Variants in PLAAT1 observed in about 807,000 individuals in gnomAD.
PLAAT1 encodes phospholipase A and acyltransferase 1, also known as H-REV107 protein-related protein.
A neutral mutation model predicts 16.4 loss-of-function variants in PLAAT1; 13 were observed. The observed-to-expected ratio is 0.79, with a 90% confidence interval of 0.52 to 1.26. The LOEUF (loss-of-function observed/expected upper bound fraction) is 1.26, where lower values mean the gene tolerates loss of function less well. PLAAT1 is among the 50% of genes most tolerant of loss of function. The probability of loss-of-function intolerance (pLI) is 0.00; values close to 1 mark genes in which losing one functional copy is unlikely to be tolerated. For missense variants in PLAAT1, 218 were observed against 207.8 expected (o/e 1.05, Z -0.30); for synonymous variants, 73 against 78.4 (o/e 0.93, Z 0.36).
At chr3:193,258,463 CAAAG>C (rs1401750311) in intron 2 of PLAAT1, among the ~76,000 whole-genome samples, 2 of 117,520 alleles carry the variant, frequency 1.7e-5, no homozygotes, top group Non-Finnish European at 3.4e-5. Flanking sequence ...ATTAACAAAA[CAAAG>C]AATTTGTTTT....
chr3:193,258,541 G>A (rs977498144), intron 2 of PLAAT1, among the ~76,000 whole-genome samples: 1 of 151,966 alleles, frequency 6.6e-6, no homozygotes, highest in African/African-American at 2.4e-5. Context: ...ATCCAAAGAA[G>A]TACAATCGGA....
chr3:193,266,078 T>C (rs1716767206), intron 3 of PLAAT1, among the ~76,000 whole-genome samples: 1 of 152,240 alleles, frequency 6.6e-6, no homozygotes, highest in Non-Finnish European at 1.5e-5. Flanking sequence ...TTGCCTACTT[T>C]AAAATTTGCT....
At chr3:193,248,497 T>G (rs1716065455) in intron 1 of PLAAT1, among the ~76,000 whole-genome samples, 1 of 152,174 alleles carries the variant, frequency 6.6e-6, no homozygotes, top group East Asian at 1.9e-4. Context: ...TCTGTTTTCC[T>G]CTCTTGCTTG....
chr3:193,261,476 C>T (rs1045410503), intron 2 of PLAAT1, among the ~76,000 whole-genome samples: 3 of 152,036 alleles, frequency 2.0e-5, no homozygotes, highest in Admixed American at 6.5e-5. Flanking sequence ...TTGGGAACTT[C>T]TGAGACTTTT....
chr3:193,281,229 A>G, downstream of PLAAT1: 2 of 985,224 alleles, frequency 2.0e-6, no homozygotes. Flanking sequence ...TGGGAAGAAG[A>G]GGACGCCTGA....
chr3:193,249,107 G>GT lies in PLAAT1; in HGVS notation c.1-6536dup, dbSNP rs558166792. Among the ~76,000 whole-genome samples, 171 of 151,810 alleles carry GT rather than the reference G, an allele frequency of 1.1e-3. 1 individual carries two copies. The highest frequency in any genetic ancestry group is 2.0e-3 in the Non-Finnish European group (138 of 67,894). On this transcript the variant is annotated intron_variant, in intron 1 of 3. Coordinates refer to ENST00000264735, the MANE Select transcript of PLAAT1 (RefSeq NM_020386.5). The stretch of plus-strand genomic sequence containing the variant: ...GAGTGTAGTATTCTTGGTTGGCAGG[G>GT]TTTTTTTTCTTTTAGCTCTTTGACC...
At chr3:193,281,111 A>G, downstream of PLAAT1, 4 of 843,908 alleles carry the variant, frequency 4.7e-6, no homozygotes, top group Non-Finnish European at 5.7e-6. Flanking sequence ...TAGGAATTGC[A>G]TCTCTCAGGA....
chr3:193,242,438 A>T (rs1356722863), intron 1 of PLAAT1, among the ~76,000 whole-genome samples: 2 of 152,120 alleles, frequency 1.3e-5, no homozygotes, highest in African/African-American at 4.8e-5. Flanking sequence ...GGATTTTTTA[A>T]GATTGAGTCA....
chr3:193,250,868 G>T (rs1716167267), intron 1 of PLAAT1, among the ~76,000 whole-genome samples: 1 of 150,564 alleles, frequency 6.6e-6, no homozygotes, highest in Admixed American at 6.7e-5. Flanking sequence ...TCCAATTGGA[G>T]ATTAAAGGAG....
At chr3:193,241,163 C>G (rs1715716531), upstream of PLAAT1, 2 of 1,188,792 alleles carry the variant, frequency 1.7e-6, no homozygotes, top group East Asian at 3.3e-5. Context: ...CGGGGCCAAG[C>G]GAGGTCTAGC....
chr3:193,271,841 C>T (rs1228924241), downstream of PLAAT1, among the ~76,000 whole-genome samples: 1 of 152,138 alleles, frequency 6.6e-6, no homozygotes, highest in Non-Finnish European at 1.5e-5. Context: ...TTAGATTTTA[C>T]CCCAGGGCCA....
At chr3:193,243,533 G>A (rs1372847950) in intron 1 of PLAAT1, among the ~76,000 whole-genome samples, 1 of 152,178 alleles carries the variant, frequency 6.6e-6, no homozygotes, top group South Asian at 2.1e-4. Context: ...ATATGTATTT[G>A]CATGCTTTTG....
At chr3:193,241,854 T>C (rs953294609) in intron 1 of PLAAT1, among the ~76,000 whole-genome samples, 1 of 152,212 alleles carries the variant, frequency 6.6e-6, no homozygotes, top group East Asian at 1.9e-4. Context: ...GATGGTGATA[T>C]TCCTTTGGCA....
At chr3:193,265,433 G>C (rs1424388123) in intron 3 of PLAAT1, among the ~76,000 whole-genome samples, 1 of 152,164 alleles carries the variant, frequency 6.6e-6, no homozygotes, top group Non-Finnish European at 1.5e-5. Flanking sequence ...GCCTAGAATA[G>C]GGAAATCTAT....
intron 1 of PLAAT1, among the ~76,000 whole-genome samples, chr3:193,251,021 G>A (rs1011192147): frequency 8.6e-5 from 13 of 151,224 alleles, no homozygotes; most frequent in African/African-American, 2.9e-4. Flanking sequence ...GAAGTGCAGT[G>A]AGTGCCTATC....
At chr3:193,244,051 A>G (rs535596662) in intron 1 of PLAAT1, among the ~76,000 whole-genome samples, 5 of 152,318 alleles carry the variant, frequency 3.3e-5, no homozygotes, top group Non-Finnish European at 4.4e-5. Flanking sequence ...GCATATGTCA[A>G]TAGTTTTTTC....
At chr3:193,258,028 C>G (rs902442658) in intron 2 of PLAAT1, among the ~76,000 whole-genome samples, 1 of 152,178 alleles carries the variant, frequency 6.6e-6, no homozygotes, top group Non-Finnish European at 1.5e-5. Context: ...GACTGGCTTC[C>G]TTGCTGCTCC....
intron 1 of PLAAT1, among the ~76,000 whole-genome samples, chr3:193,242,417 G>C (rs528364252): frequency 5.3e-4 from 80 of 152,148 alleles, no homozygotes; most frequent in African/African-American, 1.9e-3. Context: ...GGGAGAAGGT[G>C]GCATCGACTT....
At position 193,263,019 on chromosome 3, in the gene PLAAT1, G is replaced by A. The variant is rs148347426; in HGVS notation, c.189G>A (p.Lys63=). ...FTSAKSVFSS[K]ALVKMQLLKD... is the part of the protein sequence containing the mutation. ...GCGCCAAGTCTGTATTCAGCAGTAAGGCCCTGGTGAAAATGCAGCTCTTGA... is the reference window on the plus strand; with the variant it reads ...GCGCCAAGTCTGTATTCAGCAGTAAAGCCCTGGTGAAAATGCAGCTCTTGA... The change falls in exon 3 of 4, where the codon AAG becomes AAA. Residue 63 remains lysine, a synonymous_variant. Transcript: ENST00000264735. The A allele has an allele frequency of 9.9e-6, 16 of 1,614,032 alleles. No homozygotes were observed. The highest frequency in any genetic ancestry group is 1.7e-5 in the Admixed American group (1 of 59,992).
Sources: gnomAD v4.1 joint callset for allele counts (sites outside exome capture counted in the v4.1 genomes callset) on GRCh38, gnomAD v4.1.1 for gene constraint, MANE v1.5 for transcripts, NCBI Gene and HGNC (gene_info 2026-07-23, HGNC 2026-07-21) for gene names.